CENPQ: variants seen among roughly 807,000 people sequenced by gnomAD.
CENPQ encodes centromere protein Q.
CENPQ carries 27 observed loss-of-function variants against 36.6 expected under a neutral mutation model. The ratio of observed to expected loss-of-function variants is 0.74; its 90% CI spans 0.54 to 1.02. The LOEUF (loss-of-function observed/expected upper bound fraction) is 1.02, where lower values mean the gene tolerates loss of function less well. Among genes scored for constraint, CENPQ ranks in the 50% least tolerant of loss-of-function variants. CENPQ has a pLI of 0.00. For synonymous variants in CENPQ, 101 were observed against 101.7 expected (o/e 0.99, Z 0.04); for missense variants, 306 against 301.8 (o/e 1.01, Z -0.10).
At chr6:49,467,504 T>G (rs1390077039) in intron 1 of CENPQ, among the ~76,000 whole-genome samples, 1 of 152,156 alleles carries the variant, frequency 6.6e-6, no homozygotes, top group African/African-American at 2.4e-5. Flanking sequence ...AAAGTCTTTT[T>G]TAAAAAAATA....
chr6:49,491,490 G>A (rs1265872071), intron 8 of CENPQ, among the ~76,000 whole-genome samples: 1 of 152,010 alleles, frequency 6.6e-6, no homozygotes, highest in Non-Finnish European at 1.5e-5. Flanking sequence ...TCTAACAATA[G>A]CATATAACTC....
chr6:49,479,413 A>G (rs1041868352), intron 5 of CENPQ, among the ~76,000 whole-genome samples: 6 of 152,354 alleles, frequency 3.9e-5, no homozygotes, highest in Middle Eastern at 6.8e-3. Context: ...AGAGAAATGC[A>G]AATGAAAACC....
chr6:49,474,526 A>C (rs1768226633), intron 5 of CENPQ, among the ~76,000 whole-genome samples: 1 of 152,250 alleles, frequency 6.6e-6, no homozygotes. Flanking sequence ...CAGTGTGTAG[A>C]GGGAAATTTA....
intron 5 of CENPQ, among the ~76,000 whole-genome samples, chr6:49,473,734 T>A (rs1338741901): frequency 1.3e-5 from 2 of 151,706 alleles, no homozygotes; most frequent in Admixed American, 1.3e-4. Flanking sequence ...GCAAATTGGA[T>A]AGAGTCAAAA....
chr6:49,473,283 T>A (rs1311480685), intron 5 of CENPQ, among the ~76,000 whole-genome samples: 1 of 152,220 alleles, frequency 6.6e-6, no homozygotes. Context: ...TTCTAAGATA[T>A]TATTGCTCTT....
At chr6:49,476,734 A>G (rs1303828969) in intron 5 of CENPQ, among the ~76,000 whole-genome samples, 1 of 152,224 alleles carries the variant, frequency 6.6e-6, no homozygotes, top group Admixed American at 6.5e-5. Context: ...CAAGAAAAAA[A>G]CAACCCTATC....
At chr6:49,468,385 G>A (rs1422803251) in intron 1 of CENPQ, among the ~76,000 whole-genome samples, 1 of 152,008 alleles carries the variant, frequency 6.6e-6, no homozygotes, top group Non-Finnish European at 1.5e-5. Context: ...TTGAGGTCAG[G>A]AGTTCGAGAC....
chr6:49,482,964 C>T (rs1768478243), intron 6 of CENPQ, among the ~76,000 whole-genome samples: 1 of 152,084 alleles, frequency 6.6e-6, no homozygotes, highest in Admixed American at 6.5e-5. Context: ...AGATTTATTG[C>T]AAAGAGCAAA....
intron 6 of CENPQ, among the ~76,000 whole-genome samples, chr6:49,484,143 T>A (rs1321789644): frequency 1.3e-5 from 2 of 152,230 alleles, no homozygotes; most frequent in East Asian, 3.8e-4. Context: ...AGTTAATATA[T>A]ACTGGGGACT....
intron 1 of CENPQ, among the ~76,000 whole-genome samples, chr6:49,468,464 G>C (rs1017004952): frequency 6.6e-6 from 1 of 151,954 alleles, no homozygotes; most frequent in East Asian, 1.9e-4. Flanking sequence ...CGTGGTGGGG[G>C]GTGCCTGTAG....
rs759527083 is a variant in CENPQ, at chr6:49,487,454, T to TAAAA, written c.478-887_478-884dup. ...GCTGACCCCTGCAGCTACCCTTTCTTAAAAAAAAAAAAAAGTCATTTAGAA... is the reference window on the plus strand; with the variant it reads ...GCTGACCCCTGCAGCTACCCTTTCTTAAAAAAAAAAAAAAAAAAGTCATTTAGAA... On this transcript the variant is annotated intron_variant, in intron 6 of 8. Coordinates refer to ENST00000335783, the MANE Select transcript of CENPQ (RefSeq NM_018132.4). Among the ~76,000 whole-genome samples, 34 of 93,274 alleles carry TAAAA rather than the reference T, an allele frequency of 3.6e-4. 1 individual carries two copies. The highest frequency in any genetic ancestry group is 1.2e-3 in the East Asian group (3 of 2,526). The allele number at this position is 93,274 out of a possible 152,430, so 61.2% of individuals were successfully genotyped here.
chr6:49,468,067 G>A (rs1758768428), intron 1 of CENPQ, among the ~76,000 whole-genome samples: 1 of 152,128 alleles, frequency 6.6e-6, no homozygotes, highest in Non-Finnish European at 1.5e-5. Context: ...AGAACGTATT[G>A]GGGTAAATTT....
intron 1 of CENPQ, among the ~76,000 whole-genome samples, chr6:49,468,741 A>G (rs956768818): frequency 2.6e-5 from 4 of 152,234 alleles, no homozygotes; most frequent in African/African-American, 9.6e-5. Context: ...ACAAGGGAAC[A>G]TAGACCTTAC....
At position 49,492,159 on chromosome 6, in the gene CENPQ, C is replaced by G; in HGVS notation, c.691C>G (p.Leu231Val). Residue 231 changes from leucine (L) to valine (V), a missense_variant, in exon 9 of 9, where the codon CTA (leucine) becomes GTA (valine). Physicochemically the swap from Leu to Val is conservative, Grantham distance 32. Coordinates refer to ENST00000335783, the MANE Select transcript of CENPQ (RefSeq NM_018132.4). ...APTLQKEILA[L>V]IPNQNALLKD... ...TTTCCCACAGAAAGAAATTTTGGCG[C>G]TAATTCCAAACCAGAATGCTCTTCT... is the stretch of plus-strand genomic sequence containing the variant. The G allele has an allele frequency of 6.3e-7, 1 of 1,597,852 alleles. No individual in the cohort carries two copies.
intron 2 of CENPQ, 37 bp downstream of exon 2, chr6:49,470,315 C>T (rs762884208): frequency 1.5e-6 from 2 of 1,334,442 alleles, no homozygotes; most frequent in South Asian, 1.2e-5. Flanking sequence ...TAGAAATCTT[C>T]AACTGTGGCC....
intron 1 of CENPQ, among the ~76,000 whole-genome samples, chr6:49,469,703 T>C (rs1768082257): frequency 6.6e-6 from 1 of 152,156 alleles, no homozygotes; most frequent in African/African-American, 2.4e-5. Context: ...TCTCCTTCCA[T>C]TTTTGGCAAA....
chr6:49,482,373 G>A (rs190706666), intron 6 of CENPQ, among the ~76,000 whole-genome samples: 73 of 152,306 alleles, frequency 4.8e-4, no homozygotes, highest in African/African-American at 1.7e-3. Flanking sequence ...CTGCCAGCAC[G>A]CTGTCACCTC....
At chr6:49,463,475 C>T (rs1428601156) in intron 1 of CENPQ, 22 bp downstream of exon 1, 3 of 152,184 alleles carry the variant, frequency 2.0e-5, no homozygotes, top group Admixed American at 2.0e-4. Flanking sequence ...TATCCTTAAC[C>T]GGCTGGGTGG....
rs752234019 is a variant in CENPQ at position 49,492,250 on chromosome 6, C to T, written c.782C>T (p.Ala261Val). The change falls in exon 9 of 9, where the codon GCC becomes GTC. Residue 261 changes from alanine to valine, a missense_variant. Transcript: ENST00000335783. ...MKSMSTFIEE[A>V]YKKLDAS ...AGCATGTCAACCTTCATTGAAGAAG[C>T]CTATAAGAAACTGGATGCATCTTAA... 6.3e-7 allele frequency: 1 copy of T among 1,598,700 alleles called. No individual in the cohort carries two copies. Among genetic ancestry groups the T allele is most frequent in the East Asian group, 2.2e-5 (1 of 44,688 alleles).
Sources: allele counts gnomAD v4.1 joint callset (sites outside exome capture counted in the v4.1 genomes callset), GRCh38; gene constraint gnomAD v4.1.1; transcripts MANE v1.5; gene names NCBI Gene and HGNC (gene_info 2026-07-23, HGNC 2026-07-21).